Variants in POR observed in about 807,000 individuals in gnomAD.
POR encodes the protein cytochrome p450 oxidoreductase, also known as NADPH--cytochrome P450 reductase.
Under a neutral mutation model 84.0 loss-of-function variants are expected in POR, and 56 were observed. That is an observed-to-expected ratio of 0.67 (90% CI 0.54 to 0.83). The LOEUF is 0.83. Among genes scored for constraint, POR ranks in the 40% least tolerant of loss-of-function variants. The probability of loss-of-function intolerance (pLI) is 0.00; values close to 1 mark genes in which losing one functional copy is unlikely to be tolerated. For synonymous variants in POR, 414 were observed against 400.5 expected, an observed-to-expected ratio of 1.03 and a Z score of -0.40; for missense variants, 938 against 944.3, an observed-to-expected ratio of 0.99 and a Z score of 0.09.
At chr7:75,977,560 G>A (rs377171839) in intron 3 of POR, among the ~76,000 whole-genome samples, 7 of 152,198 alleles carry the variant, frequency 4.6e-5, no homozygotes, top group African/African-American at 1.7e-4. Context: ...CAGATCACCT[G>A]AGGTCAGGAG....
rs1554558195 is a variant in POR at position 75,982,321 on chromosome 7, C to G, written c.829C>G (p.Pro277Ala). The G allele has an allele frequency of 1.2e-6, 2 of 1,610,058 alleles. No individual in the cohort carries two copies. Among genetic ancestry groups the G allele is most frequent in the African/African-American group, 2.7e-5 (2 of 74,876 alleles). The change falls in exon 8 of 16, where the codon CCC (proline) becomes GCC (alanine). Residue 277 changes from proline (P) to alanine (A), a missense_variant and splice_region_variant. Physicochemically the swap from Pro to Ala is conservative, Grantham distance 27. Transcript: ENST00000461988. ...GCTGAAGAGCTACGAGAACCAGAAG[C>G]CGTGAGTGGAGGGAGCGTGGCTTGG...
intron 5 of POR, chr7:75,980,705 G>A (rs1554557650): frequency 1.3e-5 from 20 of 1,522,524 alleles, no homozygotes; most frequent in Non-Finnish European, 1.7e-5. Flanking sequence ...AGGGGGCATT[G>A]GGTGCTGGAG....
Position 75,923,338 on chromosome 7 carries a change from C to G in POR, c.-5+8159C>G, listed in dbSNP as rs1219428259. On this transcript the variant is annotated intron_variant, in intron 1 of 15. Coordinates refer to ENST00000461988, the MANE Select transcript of POR (RefSeq NM_000941.3). The stretch of plus-strand genomic sequence containing the variant: ...TGGTTCTTGTCCCCTTTCCACCTCT[C>G]AGTGGACTGTCATGCTACCAAAAAT... 3 of 904,404 alleles carry G rather than the reference C, an allele frequency of 3.3e-6. No individual in the cohort carries two copies. In the African/African-American group the frequency reaches 4.9e-5, roughly 15 times the overall value. 56.0% of individuals were successfully genotyped at this position (904,404 alleles called of 1,614,324 possible).
chr7:75,985,358 G>A, intron 12 of POR, 151 bp downstream of exon 12: 2 of 1,181,072 alleles, frequency 1.7e-6, no homozygotes, highest in South Asian at 1.6e-5. Context: ...CCCAGGCTGT[G>A]GACTCAGTCG....
intron 1 of POR, among the ~76,000 whole-genome samples, chr7:75,917,331 G>T (rs2116168499): frequency 6.6e-6 from 1 of 151,094 alleles, no homozygotes; most frequent in East Asian, 1.9e-4. Context: ...ACCTCCTAAA[G>T]TGCTGAGATT....
rs1554558447 is a variant in POR at position 75,983,531 on chromosome 7, C to G, written c.842C>G (p.Ala281Gly). The change falls in exon 9 of 16, where the codon GCC (alanine) becomes GGC (glycine). Residue 281 changes from alanine (A) to glycine (G), a missense_variant. Coordinates refer to ENST00000461988, the MANE Select transcript of POR (RefSeq NM_000941.3). ...TCCTCCCCACCCAGCCCCTTTGATG[C>G]CAAGAATCCGTTCCTGGCTGCAGTC... 1 of 1,612,772 alleles carries G rather than the reference C, an allele frequency of 6.2e-7. No individual in the cohort carries two copies. The highest frequency in any genetic ancestry group is 8.5e-7 in the Non-Finnish European group (1 of 1,179,684).
intron 1 of POR, among the ~76,000 whole-genome samples, chr7:75,919,964 C>T (rs537324205): frequency 6.6e-5 from 10 of 151,694 alleles, no homozygotes; most frequent in South Asian, 2.1e-4. Flanking sequence ...CATAATTTCC[C>T]GAAATGCGTC....
chr7:75,923,153 A>G (rs1806958437), intron 1 of POR: 4 of 1,071,724 alleles, frequency 3.7e-6, no homozygotes, highest in South Asian at 2.5e-5. Flanking sequence ...AAGTCTGTCC[A>G]GAAACTCATT....
rs1585130734 is a variant in POR at position 75,982,430 on chromosome 7, A to C, written c.830+108A>C. The C allele has an allele frequency of 6.4e-6, 6 of 932,628 alleles. No individual in the cohort carries two copies. In the East Asian group the frequency reaches 1.3e-4, roughly 21 times the overall value. 57.8% of individuals were successfully genotyped at this position (932,628 alleles called of 1,614,324 possible). On this transcript the variant is annotated intron_variant, in intron 8 of 15. Transcript: ENST00000461988. ...ATCCCCACAGGGCCCTTCTCACCAG[A>C]CCCCGTGCCCCGAGTGGGTGTGAGT... is the stretch of plus-strand genomic sequence containing the variant.
At chr7:75,986,288 C>T in intron 15 of POR, 47 bp downstream of exon 15, 1 of 1,612,662 alleles carries the variant, frequency 6.2e-7, no homozygotes, top group Non-Finnish European at 8.5e-7. Context: ...GGACAAGGCC[C>T]TGCCTGCCAC....
chr7:75,926,576 A>G, intron 1 of POR, among the ~76,000 whole-genome samples: 1 of 151,976 alleles, frequency 6.6e-6, no homozygotes, highest in Admixed American at 6.6e-5. Flanking sequence ...CGGGCAGATC[A>G]CCTGAGGTCG....
Position 75,984,891 on chromosome 7 carries a change from A to G in POR, c.1181A>G (p.Gln394Arg), listed in dbSNP as rs782676660. 3 of 1,612,344 alleles carry G rather than the reference A, an allele frequency of 1.9e-6. No homozygotes were observed. The highest frequency in any genetic ancestry group is 3.3e-5 in the Admixed American group (2 of 60,002). The change falls in exon 11 of 16, where the codon CAG (glutamine) becomes CGG (arginine). Residue 394 changes from glutamine (Q) to arginine (R), a missense_variant. Physicochemically the swap from Gln to Arg is conservative, Grantham distance 43. Transcript: ENST00000461988. ...ACCAACGTGCTGTACGAGCTGGCGC[A>G]GTACGCCTCGGAGCCCTCGGAGCAG...
intron 5 of POR, chr7:75,980,750 G>C: frequency 6.8e-7 from 1 of 1,464,704 alleles, no homozygotes; most frequent in Non-Finnish European, 9.1e-7. Context: ...GGACGACTGA[G>C]ACCTGCCTGG....
Position 75,926,493 on chromosome 7 carries a change from A to G in POR, c.-5+11314A>G, listed in dbSNP as rs548524284. On this transcript the variant is annotated intron_variant, in intron 1 of 15. Coordinates refer to ENST00000461988, the MANE Select transcript of POR (RefSeq NM_000941.3). ...GGAGATTCTGTTCATTTAGTCATTC[A>G]GCAAACAAATATTGAGTGCTGGCCA... Among the ~76,000 whole-genome samples, 3 of 152,210 alleles carry G rather than the reference A, an allele frequency of 2.0e-5. No homozygotes were observed. The East Asian group carries it at 5.8e-4, about 29-fold the overall frequency.
At chr7:75,973,380 C>G (rs1554556446) in intron 3 of POR, among the ~76,000 whole-genome samples, 1 of 152,030 alleles carries the variant, frequency 6.6e-6, no homozygotes, top group African/African-American at 2.4e-5. Context: ...GCGGCGCCAT[C>G]ATAGCTCACT....
chr7:75,921,670 C>T (rs2116208550), intron 1 of POR, among the ~76,000 whole-genome samples: 1 of 152,234 alleles, frequency 6.6e-6, no homozygotes, highest in East Asian at 1.9e-4. Flanking sequence ...CCCTCCCTAC[C>T]ACGTTCCAAG....
At chr7:75,920,662 A>G (rs1254333772) in intron 1 of POR, among the ~76,000 whole-genome samples, 4 of 151,960 alleles carry the variant, frequency 2.6e-5, no homozygotes, top group African/African-American at 7.3e-5. Context: ...ACTGTGTCCT[A>G]GTGATACTTT....
intron 1 of POR, among the ~76,000 whole-genome samples, chr7:75,924,880 A>G (rs1289555391): frequency 6.6e-6 from 1 of 152,174 alleles, no homozygotes; most frequent in African/African-American, 2.4e-5. Flanking sequence ...ACGGACTGTG[A>G]TAAATCGTGT....
intron 1 of POR, among the ~76,000 whole-genome samples, chr7:75,917,036 A>G (rs1263328672): frequency 2.0e-5 from 3 of 152,160 alleles, no homozygotes; most frequent in Non-Finnish European, 1.5e-5. Flanking sequence ...AGTCCATGGA[A>G]CATTTCAAGT....
Sources: gnomAD v4.1 joint callset for allele counts (sites outside exome capture counted in the v4.1 genomes callset) on GRCh38, gnomAD v4.1.1 for gene constraint, MANE v1.5 for transcripts, NCBI Gene and HGNC (gene_info 2026-07-23, HGNC 2026-07-21) for gene names.